B3GALT1: variants seen among roughly 807,000 people sequenced by gnomAD.
The protein encoded by B3GALT1 is UDP-Gal:betaGlcNAc beta 1,3-galactosyltransferase, polypeptide 1.
B3GALT1 carries 10 observed loss-of-function variants against 23.2 expected under a neutral mutation model. The ratio of observed to expected loss-of-function variants is 0.43; its 90% CI spans 0.27 to 0.73. The LOEUF (loss-of-function observed/expected upper bound fraction) is 0.73. Ranked by LOEUF, B3GALT1 falls within the 30% of genes least tolerant of loss-of-function variation. The pLI, the probability that B3GALT1 is intolerant of heterozygous loss-of-function variation, is 0.21. For synonymous variants in B3GALT1, 156 were observed against 141.5 expected, an observed-to-expected ratio of 1.10 and a Z score of -0.73; for missense variants, 299 against 405.4, an observed-to-expected ratio of 0.74 and a Z score of 2.25.
chr2:167,717,726 G>A (rs932434576), intron 3 of B3GALT1, among the ~76,000 whole-genome samples: 9 of 152,154 alleles, frequency 5.9e-5, no homozygotes, highest in Admixed American at 5.9e-4. Context: ...GTGGGATTAT[G>A]AGATCTATGC....
chr2:167,329,936 T>TTCTGTTTTTAGAAG (rs1205414635), intron 1 of B3GALT1, among the ~76,000 whole-genome samples: 2 of 152,184 alleles, frequency 1.3e-5, no homozygotes, highest in Non-Finnish European at 2.9e-5. Context: ...ACTTTTGTCT[T>TTCTGTTTTTAGAAG]TCTGTTTTTA....
rs1698772927 is a variant in B3GALT1, at chr2:167,435,637, TA to T, written c.-510-54539del. Among the ~76,000 whole-genome samples the T allele has an allele frequency of 7.2e-5, 11 of 152,120 alleles. No individual in the cohort carries two copies. In the South Asian group the frequency reaches 2.3e-3, roughly 32 times the overall value. ...AAGAGGAGACTGACTGTGTGGTGCC[TA>T]GTTTAATAAGAGCAAGATAATAAGC... On this transcript the variant is annotated intron_variant, in intron 1 of 4. Coordinates refer to ENST00000392690, the MANE Select transcript of B3GALT1 (RefSeq NM_020981.4).
chr2:167,319,205 T>A (rs2105491622), intron 1 of B3GALT1, among the ~76,000 whole-genome samples: 1 of 152,202 alleles, frequency 6.6e-6, no homozygotes, highest in East Asian at 1.9e-4. Context: ...AAAGCCAACA[T>A]TAATCTCCAT....
chr2:167,732,409 T>C (rs1687423407), intron 3 of B3GALT1, among the ~76,000 whole-genome samples: 1 of 152,150 alleles, frequency 6.6e-6, no homozygotes, highest in African/African-American at 2.4e-5. Flanking sequence ...CTCCAGACAA[T>C]TACATTTTTA....
intron 1 of B3GALT1, among the ~76,000 whole-genome samples, chr2:167,478,176 A>C (rs189947168): frequency 1.6e-4 from 25 of 152,340 alleles, no homozygotes; most frequent in African/African-American, 5.8e-4. Flanking sequence ...AACAGTTTAT[A>C]GTAATAGATT....
chr2:167,674,976 T>C (rs1461432068), intron 3 of B3GALT1, among the ~76,000 whole-genome samples: 1 of 152,220 alleles, frequency 6.6e-6, no homozygotes, highest in Non-Finnish European at 1.5e-5. Context: ...GCAGCCAGCA[T>C]GGGACCTGAC....
At chr2:167,801,931 A>G (rs1183469218) in intron 3 of B3GALT1, among the ~76,000 whole-genome samples, 1 of 152,228 alleles carries the variant, frequency 6.6e-6, no homozygotes, top group Non-Finnish European at 1.5e-5. Context: ...CAGCTCTCAT[A>G]GAGTTACACT....
At chr2:167,529,118 T>C (rs1290281860) in intron 2 of B3GALT1, among the ~76,000 whole-genome samples, 1 of 152,152 alleles carries the variant, frequency 6.6e-6, no homozygotes, top group Non-Finnish European at 1.5e-5. Context: ...TGTCAAAAAA[T>C]TTGACACTTT....
chr2:167,746,405 C>T (rs1375496299), intron 3 of B3GALT1, among the ~76,000 whole-genome samples: 2 of 152,200 alleles, frequency 1.3e-5, no homozygotes, highest in Non-Finnish European at 2.9e-5. Flanking sequence ...GAATCATCTT[C>T]CAAGCCCTCT....
chr2:167,655,857 T>C (rs191539602), intron 3 of B3GALT1, among the ~76,000 whole-genome samples: 1 of 152,286 alleles, frequency 6.6e-6, no homozygotes, highest in Non-Finnish European at 1.5e-5. Context: ...CAAAAGACTT[T>C]TAAATGTCTG....
intron 1 of B3GALT1, among the ~76,000 whole-genome samples, chr2:167,371,399 T>A (rs1697682186): frequency 6.6e-6 from 1 of 152,170 alleles, no homozygotes; most frequent in Non-Finnish European, 1.5e-5. Flanking sequence ...AGATCTCCTT[T>A]GGCTACTAGT....
chr2:167,802,342 G>A (rs942937234), intron 3 of B3GALT1, among the ~76,000 whole-genome samples: 1 of 152,178 alleles, frequency 6.6e-6, no homozygotes, highest in African/African-American at 2.4e-5. Context: ...TGAGAGAGGG[G>A]CCCTGGAGCC....
intron 3 of B3GALT1, among the ~76,000 whole-genome samples, chr2:167,710,636 G>A (rs1022390874): frequency 9.2e-5 from 14 of 152,190 alleles, no homozygotes; most frequent in Admixed American, 3.3e-4. Context: ...CAATCCAGAT[G>A]TTACTTCACT....
At chr2:167,629,685 AGTTAT>A (rs1252544737) in intron 2 of B3GALT1, among the ~76,000 whole-genome samples, 3 of 151,710 alleles carry the variant, frequency 2.0e-5, no homozygotes, top group African/African-American at 7.2e-5. Context: ...TCAGTGAACT[AGTTAT>A]GTTATTTCCC....
intron 2 of B3GALT1, among the ~76,000 whole-genome samples, chr2:167,613,877 C>T (rs895015935): frequency 2.5e-4 from 38 of 151,686 alleles, no homozygotes; most frequent in Non-Finnish European, 4.7e-4. Context: ...CATCCACTTC[C>T]AATACATTTT....
rs1016343934 is a variant in B3GALT1, at chr2:167,818,799, C to T, written c.-230+6C>T. Among the ~76,000 whole-genome samples, 1 of 152,110 alleles carries T rather than the reference C, an allele frequency of 6.6e-6. No individual in the cohort carries two copies. The highest frequency in any genetic ancestry group is 2.4e-5 in the African/African-American group (1 of 41,478). ...CAGCACGCTGGAGCCAACAGGTAGG[C>T]GAGAAACCAGGTAGGCGAGAAACAC... is the stretch of plus-strand genomic sequence containing the variant. On this transcript the variant is annotated splice_donor_region_variant and intron_variant, in intron 4 of 4. Transcript: ENST00000392690.
intron 2 of B3GALT1, among the ~76,000 whole-genome samples, chr2:167,565,971 T>A (rs1293462240): frequency 6.6e-6 from 1 of 152,128 alleles, no homozygotes; most frequent in South Asian, 2.1e-4. Flanking sequence ...GAACTAGAAA[T>A]ACCATTTGAC....
At chr2:167,659,704 C>G (rs530953223) in intron 3 of B3GALT1, among the ~76,000 whole-genome samples, 10 of 152,150 alleles carry the variant, frequency 6.6e-5, no homozygotes, top group Admixed American at 2.0e-4. Flanking sequence ...TAAAATATTT[C>G]TTTAATCTCT....
intron 4 of B3GALT1, among the ~76,000 whole-genome samples, chr2:167,825,915 A>C (rs74354275): frequency 0.035 from 5,393 of 152,298 alleles, 320 homozygotes; most frequent in African/African-American, 0.12. Flanking sequence ...AAATACTGAT[A>C]AAGATCTTAG....
Sources: gnomAD v4.1 joint callset for allele counts (sites outside exome capture counted in the v4.1 genomes callset) on GRCh38, gnomAD v4.1.1 for gene constraint, MANE v1.5 for transcripts, NCBI Gene and HGNC (gene_info 2026-07-23, HGNC 2026-07-21) for gene names.